The following HTR1F variants were observed in gnomAD, a reference collection of about 807,000 sequenced individuals.
HTR1F encodes the protein 5-hydroxytryptamine receptor 1F.
Under a neutral mutation model 24.0 loss-of-function variants are expected in HTR1F, and 17 were observed. That is an observed-to-expected ratio of 0.71 (90% CI 0.48 to 1.06). The LOEUF is 1.06. Among genes scored for constraint, HTR1F ranks in the 50% least tolerant of loss-of-function variants. The probability of loss-of-function intolerance (pLI) is 0.00; values close to 1 mark genes in which losing one functional copy is unlikely to be tolerated. For missense variants in HTR1F, 391 were observed against 427.8 expected (o/e 0.91, Z 0.76); for synonymous variants, 186 against 156.8 (o/e 1.19, Z -1.39).
At chr3:87,912,181 A>G (rs1703792647) in intron 2 of HTR1F, among the ~76,000 whole-genome samples, 1 of 152,084 alleles carries the variant, frequency 6.6e-6, no homozygotes, top group African/African-American at 2.4e-5. Flanking sequence ...GTCTAAGCAC[A>G]AAAGCTCCTT....
intron 2 of HTR1F, among the ~76,000 whole-genome samples, chr3:87,897,194 G>A (rs1706216745): frequency 6.7e-6 from 1 of 148,970 alleles, no homozygotes; most frequent in South Asian, 2.1e-4. Context: ...AATGGTTACA[G>A]AAACTGTTTA....
At chr3:87,925,122 G>A (rs1704094063) in intron 2 of HTR1F, among the ~76,000 whole-genome samples, 4 of 151,632 alleles carry the variant, frequency 2.6e-5, no homozygotes. Context: ...AACTGTAAAT[G>A]CTTCAGTGAT....
intron 2 of HTR1F, among the ~76,000 whole-genome samples, chr3:87,846,717 T>A (rs564397140): frequency 6.6e-6 from 1 of 152,066 alleles, no homozygotes; most frequent in East Asian, 1.9e-4. Context: ...ATAAGTTGCT[T>A]CTGTTGAGAA....
At chr3:87,884,431 A>G (rs1232912310) in intron 2 of HTR1F, among the ~76,000 whole-genome samples, 2 of 152,186 alleles carry the variant, frequency 1.3e-5, no homozygotes, top group Admixed American at 6.5e-5. Context: ...CTAGGAAGGA[A>G]CTGCATCAAC....
At chr3:87,881,420 A>C (rs1051861650) in intron 2 of HTR1F, among the ~76,000 whole-genome samples, 7 of 152,166 alleles carry the variant, frequency 4.6e-5, no homozygotes, top group African/African-American at 1.7e-4. Flanking sequence ...TAAACAAAGC[A>C]GCCTGGGAAG....
chr3:87,896,756 A>G (rs559196316), intron 2 of HTR1F, among the ~76,000 whole-genome samples: 4 of 152,340 alleles, frequency 2.6e-5, no homozygotes, highest in African/African-American at 9.6e-5. Flanking sequence ...TTAAAAATGG[A>G]CAAAGGACTT....
At chr3:87,803,028 G>T (rs554391627) in intron 1 of HTR1F, among the ~76,000 whole-genome samples, 8 of 152,114 alleles carry the variant, frequency 5.3e-5, no homozygotes, top group Non-Finnish European at 1.0e-4. Context: ...CAATGGAGCT[G>T]TCTATTCTTA....
intron 2 of HTR1F, among the ~76,000 whole-genome samples, chr3:87,940,118 T>C (rs1248694858): frequency 6.6e-6 from 1 of 152,220 alleles, no homozygotes; most frequent in Non-Finnish European, 1.5e-5. Context: ...AATTTTGTTA[T>C]TTACCCAGTA....
At chr3:87,881,746 C>A (rs1445385354) in intron 2 of HTR1F, among the ~76,000 whole-genome samples, 1 of 152,134 alleles carries the variant, frequency 6.6e-6, no homozygotes, top group Non-Finnish European at 1.5e-5. Flanking sequence ...AGACCTAAAA[C>A]CATAAAAACC....
intron 2 of HTR1F, among the ~76,000 whole-genome samples, chr3:87,968,985 CA>C (rs1375085796): frequency 2.6e-5 from 4 of 152,246 alleles, no homozygotes. Context: ...ATGGTGCAAG[CA>C]CCAAGCCTTG....
intron 2 of HTR1F, among the ~76,000 whole-genome samples, chr3:87,936,995 C>T (rs773292177): frequency 2.7e-5 from 4 of 148,692 alleles, no homozygotes; most frequent in Non-Finnish European, 5.9e-5. Flanking sequence ...AGCCTACCAA[C>T]CAAAAAAATC....
intron 2 of HTR1F, among the ~76,000 whole-genome samples, chr3:87,974,385 C>T (rs1256077290): frequency 6.6e-6 from 1 of 152,140 alleles, no homozygotes; most frequent in South Asian, 2.1e-4. Context: ...GTTGTTTTGA[C>T]TGGCTCGTAC....
intron 2 of HTR1F, 157 bp from the exon 3 acceptor site, chr3:87,990,551 A>C: frequency 2.0e-6 from 1 of 490,758 alleles, no homozygotes; most frequent in Non-Finnish European, 3.5e-6. Flanking sequence ...TTTCTTAAAT[A>C]AAAAGGAAAA....
intron 2 of HTR1F, among the ~76,000 whole-genome samples, chr3:87,969,656 T>C (rs934366828): frequency 6.6e-6 from 1 of 152,214 alleles, no homozygotes; most frequent in Admixed American, 6.5e-5. Flanking sequence ...GATGAGACTT[T>C]GGACTGTGGA....
At chr3:87,930,564 T>C (rs1704237907) in intron 2 of HTR1F, among the ~76,000 whole-genome samples, 1 of 152,216 alleles carries the variant, frequency 6.6e-6, no homozygotes, top group Admixed American at 6.5e-5. Context: ...TTGTTTTTAG[T>C]TCTGTGTATG....
chr3:87,821,557 C>T (rs376849857), intron 1 of HTR1F, among the ~76,000 whole-genome samples: 1 of 152,210 alleles, frequency 6.6e-6, no homozygotes, highest in East Asian at 1.9e-4. Flanking sequence ...CCTCAAATCC[C>T]AAAATATTAG....
chr3:87,799,554 A>T (rs1703961078), intron 1 of HTR1F, among the ~76,000 whole-genome samples: 2 of 152,226 alleles, frequency 1.3e-5, no homozygotes, highest in Admixed American at 1.3e-4. Flanking sequence ...CCCGAGGCTG[A>T]TATTCTGTTG....
chr3:87,853,360 A>G (rs1705130343), intron 2 of HTR1F, among the ~76,000 whole-genome samples: 1 of 152,046 alleles, frequency 6.6e-6, no homozygotes, highest in African/African-American at 2.4e-5. Flanking sequence ...TAAAAGGATA[A>G]TGACCTCCAG....
intron 2 of HTR1F, among the ~76,000 whole-genome samples, chr3:87,823,862 C>T (rs1704409593): frequency 6.6e-6 from 1 of 152,006 alleles, no homozygotes; most frequent in Non-Finnish European, 1.5e-5. Flanking sequence ...AGATGGAGAC[C>T]ATCCTGGCTA....
Sources: gnomAD v4.1 joint callset for allele counts (sites outside exome capture counted in the v4.1 genomes callset) on GRCh38, gnomAD v4.1.1 for gene constraint, MANE v1.5 for transcripts, NCBI Gene and HGNC (gene_info 2026-07-23, HGNC 2026-07-21) for gene names.